DYNAP: variants seen among roughly 807,000 people sequenced by gnomAD.
The protein encoded by DYNAP is dynactin associated protein, also known as dynactin-associated protein.
A neutral mutation model predicts 8.5 loss-of-function variants in DYNAP; 7 were observed. The observed-to-expected ratio is 0.82, with a 90% CI of 0.47 to 1.54. The LOEUF is 1.54. Among genes scored for constraint, DYNAP ranks in the 40% most tolerant of loss-of-function variants. The probability of loss-of-function intolerance (pLI) is 0.01; values close to 1 mark genes in which losing one functional copy is unlikely to be tolerated. For synonymous variants in DYNAP, 77 were observed against 77.9 expected, an observed-to-expected ratio of 0.99 and a Z score of 0.06; for missense variants, 256 against 224.3, an observed-to-expected ratio of 1.14 and a Z score of -0.90.
At chr18:54,581,371 G>A in the DYNAP span, among the ~76,000 whole-genome samples, 1 of 152,146 alleles carries the variant, frequency 6.6e-6, no homozygotes, top group African/African-American at 2.4e-5. Context: ...ACATGAACAC[G>A]CTTTGTTTAC....
At chr18:54,584,986 T>C (rs1448146057), upstream of DYNAP, among the ~76,000 whole-genome samples, 1 of 152,136 alleles carries the variant, frequency 6.6e-6, no homozygotes, top group Non-Finnish European at 1.5e-5. Flanking sequence ...TTTAGGGGTT[T>C]TGAGCAGGAT....
chr18:54,590,679 TA>T (rs905364465), upstream of DYNAP, among the ~76,000 whole-genome samples: 2 of 152,072 alleles, frequency 1.3e-5, no homozygotes, highest in African/African-American at 2.4e-5. Context: ...TTGACCAAAA[TA>T]AAAAAACCCT....
At chr18:54,588,230 G>A (rs1215487553), upstream of DYNAP, among the ~76,000 whole-genome samples, 5 of 147,714 alleles carry the variant, frequency 3.4e-5, no homozygotes, top group Middle Eastern at 6.9e-3. Flanking sequence ...TTTTTGAGAC[G>A]GAGTCTTGCT....
chr18:54,587,514 C>T (rs945252691), upstream of DYNAP, among the ~76,000 whole-genome samples: 2 of 152,034 alleles, frequency 1.3e-5, no homozygotes, highest in African/African-American at 2.4e-5. Context: ...TTACACAACA[C>T]GTGTTAGTAG....
chr18:54,585,852 A>C (rs1338081116), upstream of DYNAP, among the ~76,000 whole-genome samples: 1 of 151,990 alleles, frequency 6.6e-6, no homozygotes, highest in Non-Finnish European at 1.5e-5. Context: ...CCCATTCTCC[A>C]TCCACAGTGA....
the DYNAP span, among the ~76,000 whole-genome samples, chr18:54,580,633 G>T: frequency 1.3e-5 from 2 of 152,192 alleles, no homozygotes; most frequent in African/African-American, 4.8e-5. Flanking sequence ...AAACCATTAA[G>T]TACTTTGATT....
At position 54,598,615 on chromosome 18, in the gene DYNAP, A is replaced by G. The variant is rs138201322; in HGVS notation, c.*470A>G. On this transcript the variant is annotated 3_prime_UTR_variant, in exon 3 of 3. Coordinates refer to ENST00000648945, the MANE Select transcript of DYNAP (RefSeq NM_173629.3). ...TCAGATGGGTTTTATTTAACCCTGT[A>G]TATTGTGACTTACTTTCTAATCTGA... The G allele has an allele frequency of 3.3e-4, 51 of 154,902 alleles. No homozygotes were observed. The highest frequency in any genetic ancestry group is 9.6e-4 in the African/African-American group (40 of 41,604). The allele number at this position is 154,902 out of a possible 1,614,324, so 9.6% of individuals were successfully genotyped here.
chr18:54,579,931 A>G, the DYNAP span, among the ~76,000 whole-genome samples: 121,353 of 152,198 alleles, frequency 0.8, 48,641 homozygotes, highest in Middle Eastern at 0.91. Flanking sequence ...CAGCACTCTA[A>G]AAATTTTACT....
chr18:54,596,680 T>A (rs1911304170), intron 2 of DYNAP, among the ~76,000 whole-genome samples: 1 of 152,174 alleles, frequency 6.6e-6, no homozygotes, highest in Non-Finnish European at 1.5e-5. Context: ...CTTAGTTTCC[T>A]TTTGTCTGAT....
chr18:54,585,403 C>T (rs530746475), upstream of DYNAP, among the ~76,000 whole-genome samples: 12 of 151,920 alleles, frequency 7.9e-5, no homozygotes, highest in Middle Eastern at 3.4e-3. Flanking sequence ...TAGTTAATAC[C>T]GATTTTCATT....
chr18:54,585,735 C>T (rs544053785), upstream of DYNAP, among the ~76,000 whole-genome samples: 3 of 152,202 alleles, frequency 2.0e-5, no homozygotes, highest in East Asian at 5.8e-4. Context: ...TTCATCACAG[C>T]CTTCTTCAGT....
In DYNAP at chr18:54,598,900, C is replaced by A. The variant is rs1239813853; in HGVS notation, c.*755C>A. 1 of 152,116 alleles carries A rather than the reference C, an allele frequency of 6.6e-6. No individual in the cohort carries two copies. Among genetic ancestry groups the A allele is most frequent in the African/African-American group, 2.4e-5 (1 of 41,440 alleles). 9.4% of individuals were successfully genotyped at this position (152,116 alleles called of 1,614,324 possible). ...GTCTGCTTTCTGAGAGATTCCTCTG[C>A]ACAATAAAACTTGATCTCCACAATC... is the stretch of plus-strand genomic sequence containing the variant. On this transcript the variant is annotated 3_prime_UTR_variant, in exon 3 of 3. Coordinates refer to ENST00000648945, the MANE Select transcript of DYNAP (RefSeq NM_173629.3).
At position 54,594,948 on chromosome 18, in the gene DYNAP, C is replaced by T; in HGVS notation, c.67C>T (p.His23Tyr). The T allele has an allele frequency of 6.2e-7, 1 of 1,610,236 alleles. No individual in the cohort carries two copies. The highest frequency in any genetic ancestry group is 8.5e-7 in the Non-Finnish European group (1 of 1,177,968). Residue 23 changes from histidine (H) to tyrosine (Y), a missense_variant, in exon 2 of 3, where the codon CAT (histidine) becomes TAT (tyrosine). Transcript: ENST00000648945. The part of the protein sequence containing the change: ...EHSENQPPIT[H>Y]PNDQEAHSSI... ...CACTCTGCCTTTGTAGCCAATCACACATCCAAATGACCAAGAGGCTCACAG... is the reference window on the plus strand; with the variant it reads ...CACTCTGCCTTTGTAGCCAATCACATATCCAAATGACCAAGAGGCTCACAG...
At chr18:54,593,619 T>C (rs1480745145) in intron 1 of DYNAP, among the ~76,000 whole-genome samples, 2 of 152,150 alleles carry the variant, frequency 1.3e-5, no homozygotes, top group African/African-American at 4.8e-5. Flanking sequence ...TTCTACATTA[T>C]GTTTGATATG....
chr18:54,596,713 A>G (rs528253503), intron 2 of DYNAP, among the ~76,000 whole-genome samples: 1 of 152,134 alleles, frequency 6.6e-6, no homozygotes, highest in African/African-American at 2.4e-5. Context: ...ATTCCACTAA[A>G]GGGCTCTTTT....
At chr18:54,594,064 C>T (rs1269656772) in intron 1 of DYNAP, among the ~76,000 whole-genome samples, 2 of 152,210 alleles carry the variant, frequency 1.3e-5, no homozygotes, top group East Asian at 3.9e-4. Flanking sequence ...AAAGTCTTTC[C>T]CTGCCAACTC....
the DYNAP span, among the ~76,000 whole-genome samples, chr18:54,580,573 A>G: frequency 3.9e-5 from 6 of 152,226 alleles, no homozygotes; most frequent in African/African-American, 1.4e-4. Flanking sequence ...AAGTGCTAAC[A>G]TCACCATTCT....
At chr18:54,591,208 G>A (rs758398341), upstream of DYNAP, 1 of 1,610,094 alleles carries the variant, frequency 6.2e-7, no homozygotes. Flanking sequence ...TTGTTTCATG[G>A]TTGCAGATAT....
At chr18:54,590,463 T>C (rs2144885386), upstream of DYNAP, among the ~76,000 whole-genome samples, 1 of 152,288 alleles carries the variant, frequency 6.6e-6, no homozygotes, top group South Asian at 2.1e-4. Flanking sequence ...TGAATACATT[T>C]ATAAGAGAAA....
Sources: allele counts gnomAD v4.1 joint callset (sites outside exome capture counted in the v4.1 genomes callset), GRCh38; gene constraint gnomAD v4.1.1; transcripts MANE v1.5; gene names NCBI Gene and HGNC (gene_info 2026-07-23, HGNC 2026-07-21).